The following ZFYVE28 variants were observed in gnomAD, a reference collection of about 807,000 sequenced individuals.
ZFYVE28 encodes lateral signaling target protein 2 homolog.
Under a neutral mutation model 82.1 loss-of-function variants are expected in ZFYVE28, and 40 were observed. The observed-to-expected ratio is 0.49, with a 90% CI of 0.38 to 0.63. The LOEUF (loss-of-function observed/expected upper bound fraction) is 0.63, where lower values mean the gene tolerates loss of function less well. Ranked by LOEUF, ZFYVE28 falls within the 30% of genes least tolerant of loss-of-function variation. The pLI is 0.00. For missense variants in ZFYVE28, 1,321 were observed against 1,242.1 expected, an observed-to-expected ratio of 1.06 and a Z score of -0.96; for synonymous variants, 612 against 546.1, an observed-to-expected ratio of 1.12 and a Z score of -1.68.
intron 7 of ZFYVE28, among the ~76,000 whole-genome samples, chr4:2,318,632 C>T (rs887927355): frequency 1.3e-5 from 2 of 152,108 alleles, no homozygotes; most frequent in African/African-American, 4.8e-5. Context: ...AGCAGCAGTT[C>T]CATCGGGGCG....
At chr4:2,397,377 C>G (rs1225173799) in intron 1 of ZFYVE28, among the ~76,000 whole-genome samples, 2 of 150,032 alleles carry the variant, frequency 1.3e-5, no homozygotes, top group African/African-American at 4.9e-5. Context: ...ACTCAGGAGG[C>G]TGAGGCAGGA....
intron 7 of ZFYVE28, among the ~76,000 whole-genome samples, chr4:2,305,925 A>G (rs920879372): frequency 1.3e-5 from 2 of 152,226 alleles, no homozygotes; most frequent in African/African-American, 2.4e-5. Context: ...CACAAATACC[A>G]TTGGGCACTG....
rs1449395050 is a variant in ZFYVE28 at position 2,300,836 on chromosome 4, C to T, written c.2051+3453G>A. 1.3e-5 allele frequency among the ~76,000 whole-genome samples: 2 copies of T among 152,228 alleles called. No homozygotes were observed. Among genetic ancestry groups the T allele is most frequent in the African/African-American group, 4.8e-5 (2 of 41,458 alleles). On this transcript the variant is annotated intron_variant, in intron 8 of 12. Coordinates refer to ENST00000290974, the MANE Select transcript of ZFYVE28 (RefSeq NM_020972.3). The surrounding 1 kb of genome is among the most constrained non-coding windows in gnomAD (Gnocchi z 4.6). ...TGTTCCCTCTGAACCGTCCACGCCA[C>T]AACCACAGGGGCTGCAGGGGCGTCT...
At chr4:2,382,941 T>G (rs972612595) in intron 1 of ZFYVE28, among the ~76,000 whole-genome samples, 4 of 151,606 alleles carry the variant, frequency 2.6e-5, no homozygotes, top group African/African-American at 9.7e-5. Flanking sequence ...GATAAACCCA[T>G]GAGATCTCCT....
At position 2,270,829 on chromosome 4, in the gene ZFYVE28, A is replaced by G. The variant is rs1461517409; in HGVS notation, c.2560T>C (p.Ser854Pro). 6.2e-7 allele frequency: 1 copy of G among 1,612,814 alleles called. No homozygotes were observed. Among genetic ancestry groups the G allele is most frequent in the African/African-American group, 1.3e-5 (1 of 74,916 alleles). The change falls in exon 13 of 13, where the codon TCA becomes CCA. Residue 854 changes from serine (S) to proline (P), a missense_variant. Physicochemically the swap from Ser to Pro is moderately conservative, Grantham distance 74. Around this residue, in one of 2 missense-constraint regions of ZFYVE28, gnomAD observed 978 missense variants for 833.7 expected, o/e 1.17. Coordinates refer to ENST00000290974, the MANE Select transcript of ZFYVE28 (RefSeq NM_020972.3). ...TGCCCGTAGCGGGGCAGCGGTGCTG[A>G]GTGCGAGGAGCAGCGCGAGCAGAAG... ...KIFCSRCSSH[S>P]APLPRYGQVK...
chr4:2,388,705 G>A (rs1405054830), intron 1 of ZFYVE28, among the ~76,000 whole-genome samples: 1 of 152,156 alleles, frequency 6.6e-6, no homozygotes, highest in Non-Finnish European at 1.5e-5. Context: ...TTTACGTGAA[G>A]GGCTCAGCTC....
intron 6 of ZFYVE28, chr4:2,330,882 C>A: frequency 1.3e-6 from 2 of 1,534,220 alleles, no homozygotes; most frequent in South Asian, 2.4e-5. Flanking sequence ...ACGGTGCAGG[C>A]AGATCACGGT....
chr4:2,312,004 A>G (rs899471946), intron 7 of ZFYVE28, among the ~76,000 whole-genome samples: 1 of 152,232 alleles, frequency 6.6e-6, no homozygotes, highest in Non-Finnish European at 1.5e-5. Context: ...AGATAAGAGG[A>G]TGAAGAATTT....
intron 7 of ZFYVE28, among the ~76,000 whole-genome samples, chr4:2,309,975 A>G (rs571452999): frequency 6.6e-6 from 1 of 152,350 alleles, no homozygotes; most frequent in South Asian, 2.1e-4. Flanking sequence ...TTTTAAAATT[A>G]ATGTGGCAAA....
chr4:2,272,173 T>C (rs1337795902), intron 10 of ZFYVE28, among the ~76,000 whole-genome samples: 2 of 152,230 alleles, frequency 1.3e-5, no homozygotes, highest in African/African-American at 2.4e-5. Context: ...CCTGGTAGAA[T>C]GCAGCCTGGC....
At chr4:2,357,948 G>A (rs947906710) in intron 1 of ZFYVE28, among the ~76,000 whole-genome samples, 1 of 152,212 alleles carries the variant, frequency 6.6e-6, no homozygotes, top group Non-Finnish European at 1.5e-5. Flanking sequence ...GGTAAGCGGA[G>A]GAGACGGCTC....
At chr4:2,352,626 G>A (rs3135132) in intron 2 of ZFYVE28, among the ~76,000 whole-genome samples, 41,587 of 151,884 alleles carry the variant, frequency 0.27, 6,726 homozygotes, top group African/African-American at 0.44. Flanking sequence ...CCTTCACTAT[G>A]CTGGGAGCAT....
intron 1 of ZFYVE28, chr4:2,364,949 G>T: frequency 2.1e-6 from 2 of 974,146 alleles, no homozygotes; most frequent in Non-Finnish European, 2.4e-6. Flanking sequence ...GGGCGGCGCA[G>T]CCTCAGCCAC....
At chr4:2,330,721 G>T in intron 6 of ZFYVE28, 1 of 1,469,380 alleles carries the variant, frequency 6.8e-7, no homozygotes, top group South Asian at 1.4e-5. Flanking sequence ...CGTGGAGGAG[G>T]AAACATCATG....
At chr4:2,305,561 G>A in intron 7 of ZFYVE28, 25 bp from the exon 8 acceptor site, 2 of 1,612,492 alleles carry the variant, frequency 1.2e-6, no homozygotes, top group East Asian at 2.2e-5. Context: ...AAAACCCAAG[G>A]GTGAGGGTCC....
rs1578379859 is a variant in ZFYVE28, at chr4:2,397,720, G to T, written c.39+20565C>A. Reference sequence around the variant, plus strand: ...TCTTTTTCAGCAGAGTGTCCTCACGGGTCATCCATGCCGTAGTATGTGTCG... The same window carrying T: ...TCTTTTTCAGCAGAGTGTCCTCACGTGTCATCCATGCCGTAGTATGTGTCG... On this transcript the variant is annotated intron_variant, in intron 1 of 12. Transcript: ENST00000290974. 2.0e-5 allele frequency among the ~76,000 whole-genome samples: 3 copies of T among 152,214 alleles called. No individual in the cohort carries two copies. In the East Asian group the frequency reaches 5.8e-4, roughly 29 times the overall value.
intron 8 of ZFYVE28, 30 bp downstream of exon 8, chr4:2,304,259 A>AC (rs1716132702): frequency 2.0e-6 from 3 of 1,530,224 alleles, no homozygotes; most frequent in Non-Finnish European, 2.6e-6. Flanking sequence ...GAGAGGACAA[A>AC]CCCAGTCTCT....
chr4:2,363,669 C>G (rs1279061451), intron 1 of ZFYVE28, among the ~76,000 whole-genome samples: 3 of 152,212 alleles, frequency 2.0e-5, no homozygotes, highest in Non-Finnish European at 2.9e-5. Context: ...GCATGTAGGT[C>G]ACCAGCGCAT....
chr4:2,335,913 C>T lies in ZFYVE28; in HGVS notation c.612-119G>A, dbSNP rs960065698. On this transcript the variant is annotated intron_variant, in intron 5 of 12. Coordinates refer to ENST00000290974, the MANE Select transcript of ZFYVE28 (RefSeq NM_020972.3). This position sits in a 1 kb window ranked among gnomAD's most constrained non-coding sequence, Gnocchi z 5.8. ...TACCTGCAGCCACGCGTGGTGGCCA[C>T]GTCAAGAGGTGACACATGCCACCCC... 1.0e-5 allele frequency: 8 copies of T among 783,864 alleles called. No homozygotes were observed. The highest frequency in any genetic ancestry group is 2.7e-5 in the East Asian group (1 of 36,980). 48.6% of individuals were successfully genotyped at this position (783,864 alleles called of 1,614,324 possible). A position where few individuals can be genotyped will look rare whatever the true frequency, so the allele number is the denominator to read the frequency against.
Sources: allele counts gnomAD v4.1 joint callset (sites outside exome capture counted in the v4.1 genomes callset), GRCh38; gene constraint gnomAD v4.1.1; regional missense constraint gnomAD v4.1.1; non-coding constraint Gnocchi (gnomAD v3.1); transcripts MANE v1.5; gene names NCBI Gene and HGNC (gene_info 2026-07-23, HGNC 2026-07-21).